Variants in BICD1 observed in about 807,000 individuals in gnomAD.
BICD1 encodes BICD cargo adaptor 1, also known as protein bicaudal D homolog 1.
In BICD1, 35 loss-of-function variants were observed where a neutral mutation model predicts 92.5. That is an observed-to-expected ratio of 0.38 (90% CI 0.29 to 0.50). The LOEUF (loss-of-function observed/expected upper bound fraction) is 0.50. BICD1 is among the 20% of genes least tolerant of loss of function. The probability of loss-of-function intolerance (pLI) is 0.93; values close to 1 mark genes in which losing one functional copy is unlikely to be tolerated. For missense variants in BICD1, 950 were observed against 1,189.8 expected, an observed-to-expected ratio of 0.80 and a Z score of 2.97; for synonymous variants, 429 against 465.1, an observed-to-expected ratio of 0.92 and a Z score of 1.00.
chr12:32,305,129 T>A (rs1948177391), intron 3 of BICD1, among the ~76,000 whole-genome samples: 1 of 152,194 alleles, frequency 6.6e-6, no homozygotes, highest in Non-Finnish European at 1.5e-5. Context: ...TTTAAGCACA[T>A]AACAATGATC....
chr12:32,213,428 A>G (rs1355951734), intron 1 of BICD1, among the ~76,000 whole-genome samples: 1 of 152,034 alleles, frequency 6.6e-6, no homozygotes, highest in Non-Finnish European at 1.5e-5. Flanking sequence ...AGGGGTCTCC[A>G]TCTGTTGCCC....
At chr12:32,344,580 CTG>C (rs1166752760) in intron 8 of BICD1, among the ~76,000 whole-genome samples, 2 of 152,090 alleles carry the variant, frequency 1.3e-5, no homozygotes, top group Admixed American at 6.6e-5. Flanking sequence ...AGAATCAAAA[CTG>C]TGAGGAATAG....
At chr12:32,110,953 G>A (rs1144717) in intron 1 of BICD1, among the ~76,000 whole-genome samples, 129,983 of 151,828 alleles carry the variant, frequency 0.86, 55,946 homozygotes, top group African/African-American at 0.94. Context: ...TAATCTGCAC[G>A]TTGTGCACAT....
intron 1 of BICD1, among the ~76,000 whole-genome samples, chr12:32,199,803 A>G (rs1368449644): frequency 6.6e-6 from 1 of 152,106 alleles, no homozygotes; most frequent in Non-Finnish European, 1.5e-5. Flanking sequence ...CAGACCTCCA[A>G]TAAACTTGTT....
chr12:32,184,581 G>A (rs535522756), intron 1 of BICD1, among the ~76,000 whole-genome samples: 11 of 152,196 alleles, frequency 7.2e-5, no homozygotes, highest in African/African-American at 1.4e-4. Context: ...CACCGCGCCC[G>A]GCCAAAATAA....
intron 2 of BICD1, among the ~76,000 whole-genome samples, chr12:32,272,422 A>G (rs570753249): frequency 2.5e-4 from 38 of 152,366 alleles, no homozygotes; most frequent in Admixed American, 5.9e-4. Flanking sequence ...CTTTTAATCT[A>G]TAACTAAGAT....
intron 2 of BICD1, among the ~76,000 whole-genome samples, chr12:32,221,413 G>A (rs1945526098): frequency 6.6e-6 from 1 of 151,652 alleles, no homozygotes; most frequent in Admixed American, 6.6e-5. Context: ...GCCGGGCATG[G>A]TGGCTCATGC....
At chr12:32,241,617 G>A (rs1008190684) in intron 2 of BICD1, among the ~76,000 whole-genome samples, 3 of 152,150 alleles carry the variant, frequency 2.0e-5, no homozygotes, top group Non-Finnish European at 4.4e-5. Context: ...TTCTCCATTA[G>A]CAATCTGTGA....
intron 4 of BICD1, among the ~76,000 whole-genome samples, chr12:32,314,962 C>A (rs541363203): frequency 2.0e-5 from 3 of 152,202 alleles, no homozygotes; most frequent in Non-Finnish European, 4.4e-5. Flanking sequence ...ACTTTTTAAT[C>A]TTGATGTGTC....
chr12:32,165,859 T>A (rs1943747673), intron 1 of BICD1, among the ~76,000 whole-genome samples: 2 of 151,902 alleles, frequency 1.3e-5, no homozygotes, highest in African/African-American at 4.8e-5. Context: ...GCAGAACACC[T>A]CAAAACCATA....
chr12:32,126,655 G>T (rs904396253), intron 1 of BICD1, among the ~76,000 whole-genome samples: 1 of 151,996 alleles, frequency 6.6e-6, no homozygotes, highest in African/African-American at 2.4e-5. Context: ...TACTTGGGAG[G>T]CTGAGGCAGG....
At chr12:32,240,277 C>T (rs893378965) in intron 2 of BICD1, among the ~76,000 whole-genome samples, 5 of 152,140 alleles carry the variant, frequency 3.3e-5, no homozygotes, top group Non-Finnish European at 5.9e-5. Flanking sequence ...GAAAACAGCA[C>T]GAACTTATTC....
chr12:32,118,105 G>A (rs1942011365), intron 1 of BICD1, among the ~76,000 whole-genome samples: 1 of 59,424 alleles, frequency 1.7e-5, no homozygotes, highest in South Asian at 7.0e-4. Flanking sequence ...TTTTTGAGAT[G>A]GAGTCTCACT....
intron 8 of BICD1, chr12:32,339,383 G>A (rs1938269898): frequency 2.0e-6 from 2 of 988,122 alleles, no homozygotes; most frequent in Admixed American, 6.1e-5. Context: ...GTATAACAAG[G>A]CTTTTGGGCT....
At chr12:32,272,436 A>G (rs528345775) in intron 2 of BICD1, among the ~76,000 whole-genome samples, 6 of 152,240 alleles carry the variant, frequency 3.9e-5, no homozygotes, top group Non-Finnish European at 7.3e-5. Context: ...CTAAGATCTG[A>G]GTCCTGAAGA....
intron 1 of BICD1, among the ~76,000 whole-genome samples, chr12:32,132,064 T>G (rs1942563849): frequency 6.6e-6 from 1 of 151,992 alleles, no homozygotes; most frequent in Non-Finnish European, 1.5e-5. Flanking sequence ...TGGGAAAATA[T>G]TTGAGCAAGA....
intron 3 of BICD1, among the ~76,000 whole-genome samples, chr12:32,300,656 T>TTA (rs1948015996): frequency 8.0e-6 from 1 of 125,606 alleles, no homozygotes; most frequent in Non-Finnish European, 1.7e-5. Context: ...TTTTTTTTTT[T>TTA]TTTTGGAGAC....
intron 1 of BICD1, among the ~76,000 whole-genome samples, chr12:32,189,929 CCTCGAGTTATCTG>C (rs1194863720): frequency 6.6e-6 from 1 of 152,086 alleles, no homozygotes; most frequent in Non-Finnish European, 1.5e-5. Context: ...CAACTCCTGA[CCTCGAGTTATCTG>C]CTCACCTCCG....
At chr12:32,310,515 T>G (rs1457273029) in intron 4 of BICD1, among the ~76,000 whole-genome samples, 1 of 152,192 alleles carries the variant, frequency 6.6e-6, no homozygotes, top group Non-Finnish European at 1.5e-5. Context: ...GAGGTCTGCA[T>G]GACCTAAGGA....
Sources: allele counts gnomAD v4.1 joint callset (sites outside exome capture counted in the v4.1 genomes callset), GRCh38; gene constraint gnomAD v4.1.1; transcripts MANE v1.5; gene names NCBI Gene and HGNC (gene_info 2026-07-23, HGNC 2026-07-21).